The following CSMD1 variants were observed in gnomAD, a reference collection of about 807,000 sequenced individuals.
CSMD1 encodes CUB and sushi domain-containing protein 1.
CSMD1 carries 213 observed loss-of-function variants against 417.5 expected under a neutral mutation model. That is an observed-to-expected ratio of 0.51 (90% CI 0.46 to 0.57). The LOEUF (loss-of-function observed/expected upper bound fraction) is 0.57. CSMD1 is among the 20% of genes least tolerant of loss of function. The pLI is 0.00. For synonymous variants in CSMD1, 2,862 were observed against 1,736.8 expected (o/e 1.65, Z -16.11); for missense variants, 6,923 against 4,529.7 (o/e 1.53, Z -15.17).
At chr8:3,011,749 C>T (rs1194816286) in intron 52 of CSMD1, among the ~76,000 whole-genome samples, 2 of 152,156 alleles carry the variant, frequency 1.3e-5, no homozygotes, top group Non-Finnish European at 2.9e-5. Flanking sequence ...TTCTTATGTG[C>T]TGAAAAGTCT....
rs535875325 is a variant in CSMD1, at chr8:3,880,462, A to T, written c.818+117441T>A. Among the ~76,000 whole-genome samples, 8 of 152,306 alleles carry T rather than the reference A, an allele frequency of 5.3e-5. No homozygotes were observed. The South Asian group carries it at 1.7e-3, about 32-fold the overall frequency. On this transcript the variant is annotated intron_variant, in intron 5 of 69. Coordinates refer to ENST00000635120, the MANE Select transcript of CSMD1 (RefSeq NM_033225.6). ...ATTTATGTAAATTTTAATTCTTGAG[A>T]TATCTCGCTGCTTCACTTTATTTCC...
intron 3 of CSMD1, among the ~76,000 whole-genome samples, chr8:4,182,047 T>TGG (rs1563234686): frequency 1.2e-4 from 17 of 136,454 alleles, no homozygotes; most frequent in East Asian, 5.0e-4. Flanking sequence ...TGTGTGTCGG[T>TGG]GTGTGTGTGT....
At chr8:4,144,111 G>C (rs1011461685) in intron 3 of CSMD1, among the ~76,000 whole-genome samples, 1 of 151,046 alleles carries the variant, frequency 6.6e-6, no homozygotes, top group African/African-American at 2.5e-5. Flanking sequence ...GAGTTAATTG[G>C]GCTTAGGTTC....
At chr8:3,343,185 A>T (rs1807773872) in intron 23 of CSMD1, 109 bp downstream of exon 23, 2 of 908,412 alleles carry the variant, frequency 2.2e-6, no homozygotes, top group South Asian at 3.2e-5. Flanking sequence ...AATCAAAAAC[A>T]CAGTAGGCAG....
chr8:3,035,379 T>A (rs1810608848), intron 50 of CSMD1, among the ~76,000 whole-genome samples: 1 of 152,142 alleles, frequency 6.6e-6, no homozygotes, highest in African/African-American at 2.4e-5. Context: ...TTATTTGTAT[T>A]TATTTGCAAG....
At chr8:4,732,525 A>C (rs1490811930) in intron 1 of CSMD1, among the ~76,000 whole-genome samples, 1 of 152,148 alleles carries the variant, frequency 6.6e-6, no homozygotes, top group Non-Finnish European at 1.5e-5. Context: ...GCCAAATTCC[A>C]GTCTTGCAAT....
chr8:3,036,513 A>G (rs1166365035), intron 50 of CSMD1, among the ~76,000 whole-genome samples: 1 of 152,192 alleles, frequency 6.6e-6, no homozygotes, highest in Non-Finnish European at 1.5e-5. Context: ...CATTGGAGTA[A>G]ACTGATTTAA....
At chr8:4,853,315 T>C (rs1393231462) in intron 1 of CSMD1, among the ~76,000 whole-genome samples, 3 of 152,208 alleles carry the variant, frequency 2.0e-5, no homozygotes, top group Non-Finnish European at 4.4e-5. Flanking sequence ...CTCAGGGCTC[T>C]GAAGCCAGGA....
intron 2 of CSMD1, among the ~76,000 whole-genome samples, chr8:4,596,807 T>A (rs1015128821): frequency 6.6e-6 from 1 of 152,356 alleles, no homozygotes; most frequent in East Asian, 1.9e-4. Flanking sequence ...TCTACCAGAA[T>A]ACCCACATAT....
At chr8:3,004,189 T>C (rs1293846568) in intron 52 of CSMD1, among the ~76,000 whole-genome samples, 1 of 152,188 alleles carries the variant, frequency 6.6e-6, no homozygotes, top group Non-Finnish European at 1.5e-5. Flanking sequence ...CAGTGGACCT[T>C]ACACTATGAT....
intron 2 of CSMD1, among the ~76,000 whole-genome samples, chr8:4,597,001 C>A (rs905338771): frequency 6.6e-6 from 1 of 152,172 alleles, no homozygotes; most frequent in Non-Finnish European, 1.5e-5. Context: ...CGCCATGATT[C>A]TGAGGCCTCC....
chr8:4,761,450 TACCTGTTTCCTTTATA>T (rs1812039016), intron 1 of CSMD1, among the ~76,000 whole-genome samples: 1 of 152,164 alleles, frequency 6.6e-6, no homozygotes, highest in South Asian at 2.1e-4. Context: ...AAATAAATTT[TACCTGTTTCCTTTATA>T]ATTTCTAGTG....
At chr8:3,797,008 T>C (rs934488103) in intron 5 of CSMD1, among the ~76,000 whole-genome samples, 3 of 151,830 alleles carry the variant, frequency 2.0e-5, no homozygotes, top group Non-Finnish European at 3.0e-5. Flanking sequence ...TTTAATAATG[T>C]TGTTAATTAT....
chr8:3,584,653 C>T (rs1446002186), intron 9 of CSMD1, among the ~76,000 whole-genome samples: 1 of 151,996 alleles, frequency 6.6e-6, no homozygotes, highest in Non-Finnish European at 1.5e-5. Context: ...AATATAAAGG[C>T]AAATATTTAA....
At chr8:4,634,616 T>A (rs1802718420) in intron 2 of CSMD1, among the ~76,000 whole-genome samples, 1 of 152,220 alleles carries the variant, frequency 6.6e-6, no homozygotes, top group South Asian at 2.1e-4. Flanking sequence ...GAATCCGTCC[T>A]TTGAATTCTA....
At chr8:4,411,607 T>C (rs966515465) in intron 3 of CSMD1, among the ~76,000 whole-genome samples, 10 of 152,162 alleles carry the variant, frequency 6.6e-5, no homozygotes, top group African/African-American at 2.4e-4. Context: ...CGGAGAAAAA[T>C]ACAGCAATCC....
At chr8:3,758,946 G>A (rs996548335) in intron 5 of CSMD1, among the ~76,000 whole-genome samples, 2 of 152,200 alleles carry the variant, frequency 1.3e-5, no homozygotes, top group Non-Finnish European at 2.9e-5. Context: ...ACAAAGGTCA[G>A]AGTGACGCAT....
At chr8:3,729,954 AAAAAAAAC>A (rs1563318569) in intron 6 of CSMD1, among the ~76,000 whole-genome samples, 2 of 12,440 alleles carry the variant, frequency 1.6e-4, no homozygotes, top group Admixed American at 1.5e-3. Context: ...AAAAAAAAAA[AAAAAAAAC>A]AAAAACAGAA....
At chr8:4,315,521 T>C (rs983309072) in intron 3 of CSMD1, among the ~76,000 whole-genome samples, 2 of 152,290 alleles carry the variant, frequency 1.3e-5, no homozygotes, top group East Asian at 3.9e-4. Context: ...AAGTAGAAAA[T>C]TAGATTTCTA....
Sources: allele counts gnomAD v4.1 joint callset (sites outside exome capture counted in the v4.1 genomes callset), GRCh38; gene constraint gnomAD v4.1.1; transcripts MANE v1.5; gene names NCBI Gene and HGNC (gene_info 2026-07-23, HGNC 2026-07-21).